Variants in SLC1A1 observed in about 807,000 individuals in gnomAD.
The protein encoded by SLC1A1 is solute carrier family 1 member 1.
SLC1A1 carries 43 observed loss-of-function variants against 53.3 expected under a neutral mutation model. The ratio of observed to expected loss-of-function variants is 0.81; its 90% CI spans 0.63 to 1.04. The LOEUF (loss-of-function observed/expected upper bound fraction) is 1.04. SLC1A1 is among the 50% of genes least tolerant of loss of function. The pLI, the probability that SLC1A1 is intolerant of heterozygous loss-of-function variation, is 0.00. For missense variants in SLC1A1, 748 were observed against 664.9 expected (o/e 1.12, Z -1.37); for synonymous variants, 307 against 243.2 (o/e 1.26, Z -2.44).
intron 8 of SLC1A1, 81 bp downstream of exon 8, chr9:4,574,095 T>A: frequency 1.1e-6 from 1 of 921,516 alleles, no homozygotes; most frequent in Non-Finnish European, 1.8e-6. Flanking sequence ...TTCAGTTGGT[T>A]AAAACTGGCT....
At chr9:4,500,776 T>A (rs1820604791) in intron 1 of SLC1A1, among the ~76,000 whole-genome samples, 1 of 152,200 alleles carries the variant, frequency 6.6e-6, no homozygotes, top group African/African-American at 2.4e-5. Flanking sequence ...TTTACTACTT[T>A]ACTTTGAAAA....
At chr9:4,568,223 C>A (rs1819669143) in intron 6 of SLC1A1, among the ~76,000 whole-genome samples, 1 of 151,888 alleles carries the variant, frequency 6.6e-6, no homozygotes, top group African/African-American at 2.4e-5. Context: ...AGTTCCAGAC[C>A]AGTCTGCGCA....
chr9:4,526,905 C>G (rs147974936), intron 1 of SLC1A1, among the ~76,000 whole-genome samples: 1 of 152,052 alleles, frequency 6.6e-6, no homozygotes, highest in Non-Finnish European at 1.5e-5. Context: ...ATTTCACATT[C>G]ATAATTAGAT....
chr9:4,573,019 T>C (rs989088268), intron 7 of SLC1A1, among the ~76,000 whole-genome samples: 1 of 152,246 alleles, frequency 6.6e-6, no homozygotes, highest in African/African-American at 2.4e-5. Flanking sequence ...GATTTCACTG[T>C]ACATGAGAAC....
chr9:4,554,596 G>C (rs190565811), intron 2 of SLC1A1, among the ~76,000 whole-genome samples: 115 of 152,284 alleles, frequency 7.6e-4, no homozygotes, highest in Non-Finnish European at 1.1e-3. Flanking sequence ...GCCTTGGGGT[G>C]GGAAGGAGCT....
chr9:4,550,137 C>T (rs1026840187), intron 2 of SLC1A1, among the ~76,000 whole-genome samples: 1 of 152,206 alleles, frequency 6.6e-6, no homozygotes, highest in African/African-American at 2.4e-5. Flanking sequence ...CATTATTAAA[C>T]ACTAGACGTC....
chr9:4,579,500 C>G (rs770160591), intron 10 of SLC1A1, among the ~76,000 whole-genome samples: 20 of 152,124 alleles, frequency 1.3e-4, no homozygotes, highest in Non-Finnish European at 2.5e-4. Context: ...TTTTTTTAAT[C>G]TCACTGCCAG....
chr9:4,521,870 G>C (rs1184850030), intron 1 of SLC1A1, among the ~76,000 whole-genome samples: 1 of 152,094 alleles, frequency 6.6e-6, no homozygotes, highest in Non-Finnish European at 1.5e-5. Context: ...CCACTTGTTT[G>C]CATGTTGATT....
intron 1 of SLC1A1, among the ~76,000 whole-genome samples, chr9:4,541,448 T>C (rs1420276883): frequency 2.0e-5 from 3 of 152,234 alleles, no homozygotes; most frequent in Non-Finnish European, 4.4e-5. Context: ...TCCTTTCCAA[T>C]TTAAAAGCAA....
At chr9:4,533,808 A>C (rs1370772613) in intron 1 of SLC1A1, among the ~76,000 whole-genome samples, 2 of 152,200 alleles carry the variant, frequency 1.3e-5, no homozygotes, top group African/African-American at 4.8e-5. Flanking sequence ...CTTAGTTGGA[A>C]GTAAAGCACT....
intron 1 of SLC1A1, among the ~76,000 whole-genome samples, chr9:4,492,161 G>A (rs571778788): frequency 2.0e-5 from 3 of 150,722 alleles, no homozygotes; most frequent in African/African-American, 4.9e-5. Flanking sequence ...TTTTTTTTTC[G>A]GTTTTGAACA....
intron 2 of SLC1A1, among the ~76,000 whole-genome samples, chr9:4,547,115 A>G (rs150907585): frequency 3.0e-4 from 46 of 152,364 alleles, no homozygotes; most frequent in African/African-American, 1.0e-3. Context: ...GACAGTCAAT[A>G]ACAAGTGAGT....
intron 1 of SLC1A1, among the ~76,000 whole-genome samples, chr9:4,504,668 C>T (rs1380706209): frequency 6.6e-6 from 1 of 152,168 alleles, no homozygotes; most frequent in African/African-American, 2.4e-5. Context: ...TGTCATAAAA[C>T]AGCAAAGAGC....
chr9:4,565,639 G>C (rs1819413780), intron 4 of SLC1A1, among the ~76,000 whole-genome samples: 2 of 152,118 alleles, frequency 1.3e-5, no homozygotes, highest in South Asian at 2.1e-4. Flanking sequence ...CTCCCACAAG[G>C]CCCCTCCCCT....
At chr9:4,493,468 A>G (rs530150390) in intron 1 of SLC1A1, among the ~76,000 whole-genome samples, 1 of 152,344 alleles carries the variant, frequency 6.6e-6, no homozygotes, top group South Asian at 2.1e-4. Flanking sequence ...AACTGCCTTA[A>G]CTGATCCAGA....
At chr9:4,517,357 C>T (rs1390930683) in intron 1 of SLC1A1, among the ~76,000 whole-genome samples, 8 of 152,190 alleles carry the variant, frequency 5.3e-5, no homozygotes, top group African/African-American at 1.4e-4. Flanking sequence ...GTTCTCTTGT[C>T]TTCTGTCTTG....
intron 1 of SLC1A1, among the ~76,000 whole-genome samples, chr9:4,496,880 A>G (rs1447368940): frequency 6.6e-6 from 1 of 152,180 alleles, no homozygotes; most frequent in African/African-American, 2.4e-5. Flanking sequence ...CTGAGGTGAC[A>G]GTGCAAGATC....
At chr9:4,528,530 C>T (rs1480156910) in intron 1 of SLC1A1, among the ~76,000 whole-genome samples, 1 of 152,142 alleles carries the variant, frequency 6.6e-6, no homozygotes. Context: ...GAGCCAAGAT[C>T]ACGCCACTGC....
Position 4,585,294 on chromosome 9 carries a change from C to G in SLC1A1, c.1329-18C>G. On this transcript the variant is annotated intron_variant, in intron 11 of 11. Transcript: ENST00000262352. ...TGAAATCTGGGCCTCCTGTCTGACT[C>G]CTCCCGTCTCTCCCCAGGGACCGGT... The G allele has an allele frequency of 6.2e-7, 1 of 1,612,894 alleles. No homozygotes were observed. Among genetic ancestry groups the G allele is most frequent in the Non-Finnish European group, 8.5e-7 (1 of 1,179,864 alleles).
Sources: allele counts gnomAD v4.1 joint callset (sites outside exome capture counted in the v4.1 genomes callset), GRCh38; gene constraint gnomAD v4.1.1; transcripts MANE v1.5; gene names NCBI Gene and HGNC (gene_info 2026-07-23, HGNC 2026-07-21).